MIPOL1: variants seen among roughly 807,000 people sequenced by gnomAD.
MIPOL1 encodes the protein mirror-image polydactyly gene 1 protein.
MIPOL1 carries 57 observed loss-of-function variants against 60.9 expected under a neutral mutation model. That is an observed-to-expected ratio of 0.94 (90% CI 0.76 to 1.17). The LOEUF is 1.17. MIPOL1 is among the 50% of genes most tolerant of loss of function. MIPOL1 has a pLI of 0.00. For synonymous variants in MIPOL1, 179 were observed against 168.8 expected (o/e 1.06, Z -0.47); for missense variants, 551 against 511.6 (o/e 1.08, Z -0.74).
At chr14:37,260,060 C>T in intron 3 of MIPOL1, among the ~76,000 whole-genome samples, 1 of 151,882 alleles carries the variant, frequency 6.6e-6, no homozygotes, top group East Asian at 1.9e-4. Flanking sequence ...GAATAAAGTA[C>T]TCATTTTCAA....
intron 10 of MIPOL1, among the ~76,000 whole-genome samples, chr14:37,415,371 C>T (rs1350245492): frequency 6.6e-6 from 1 of 151,702 alleles, no homozygotes; most frequent in Non-Finnish European, 1.5e-5. Flanking sequence ...GCCTATAATC[C>T]CAGCACTTTG....
chr14:37,351,583 T>A (rs1247060701), intron 9 of MIPOL1, among the ~76,000 whole-genome samples: 2 of 146,400 alleles, frequency 1.4e-5, no homozygotes, highest in Non-Finnish European at 3.0e-5. Flanking sequence ...GTTTCCTGAC[T>A]TTTTAATGAT....
At chr14:37,287,562 G>A (rs899028457) in intron 7 of MIPOL1, among the ~76,000 whole-genome samples, 3 of 152,078 alleles carry the variant, frequency 2.0e-5, no homozygotes, top group Admixed American at 6.6e-5. Flanking sequence ...CCAAATCACT[G>A]AATATTGAAA....
chr14:37,525,225 C>T (rs1342983917), intron 12 of MIPOL1, among the ~76,000 whole-genome samples: 1 of 152,208 alleles, frequency 6.6e-6, no homozygotes, highest in Non-Finnish European at 1.5e-5. Context: ...AAGGCAGCAG[C>T]ATCTGACATC....
At chr14:37,399,972 A>G (rs923319139) in intron 10 of MIPOL1, 14 of 152,196 alleles carry the variant, frequency 9.2e-5, no homozygotes, top group African/African-American at 2.9e-4. Flanking sequence ...AATATTGTAC[A>G]GTGGGCTCTT....
intron 1 of MIPOL1, among the ~76,000 whole-genome samples, chr14:37,214,331 A>G (rs775959381): frequency 6.6e-6 from 1 of 152,218 alleles, no homozygotes; most frequent in African/African-American, 2.4e-5. Flanking sequence ...AATCAGGTAG[A>G]TGAAGTTAAG....
intron 9 of MIPOL1, among the ~76,000 whole-genome samples, chr14:37,341,699 A>G (rs950922982): frequency 7.2e-5 from 11 of 152,060 alleles, no homozygotes; most frequent in Non-Finnish European, 1.3e-4. Context: ...TCCTGCCTCA[A>G]CCTCCCAAAA....
chr14:37,378,129 C>T (rs2092826289), intron 10 of MIPOL1, among the ~76,000 whole-genome samples: 1 of 151,984 alleles, frequency 6.6e-6, no homozygotes, highest in Non-Finnish European at 1.5e-5. Flanking sequence ...GGAACATTGG[C>T]AGTTTATTAT....
chr14:37,272,842 C>G (rs976220727), intron 6 of MIPOL1, among the ~76,000 whole-genome samples: 5 of 151,288 alleles, frequency 3.3e-5, no homozygotes, highest in African/African-American at 4.8e-5. Context: ...AAAGATCAAA[C>G]CATTTCACAA....
intron 9 of MIPOL1, among the ~76,000 whole-genome samples, chr14:37,364,491 C>T (rs1319195058): frequency 6.6e-6 from 1 of 152,160 alleles, no homozygotes; most frequent in African/African-American, 2.4e-5. Context: ...ACTGTCTTTT[C>T]CCCAGTGTAT....
intron 12 of MIPOL1, 109 bp from the exon 13 acceptor site, chr14:37,546,796 G>C: frequency 1.2e-6 from 1 of 817,532 alleles, no homozygotes; most frequent in Non-Finnish European, 2.0e-6. Context: ...TAACATGACC[G>C]TGAGGACTGC....
intron 9 of MIPOL1, among the ~76,000 whole-genome samples, chr14:37,339,389 C>CT (rs1210811821): frequency 6.6e-6 from 1 of 152,170 alleles, no homozygotes; most frequent in East Asian, 1.9e-4. Flanking sequence ...TTGAAAACTG[C>CT]TTTGTACTTT....
intron 10 of MIPOL1, chr14:37,369,825 A>T: frequency 3.2e-6 from 1 of 308,148 alleles, no homozygotes; most frequent in Non-Finnish European, 6.0e-6. Flanking sequence ...AAAACAACAC[A>T]TTTTCTGAAT....
chr14:37,324,458 G>A (rs1397835131), intron 9 of MIPOL1, among the ~76,000 whole-genome samples: 1 of 151,984 alleles, frequency 6.6e-6, no homozygotes, highest in African/African-American at 2.4e-5. Context: ...GGTTCTGATT[G>A]ATTCTGGATG....
In MIPOL1 at chr14:37,547,999, G is replaced by C. The variant is rs1158842490; in HGVS notation, c.*1028G>C. The C allele has an allele frequency of 6.6e-6, 1 of 151,966 alleles. No homozygotes were observed. Among genetic ancestry groups the C allele is most frequent in the Admixed American group, 6.6e-5 (1 of 15,262 alleles). The allele number at this position is 151,966 out of a possible 1,614,324, so 9.4% of individuals were successfully genotyped here. ...CAGCATAGCAGTCATATGAAGTTATGAATAGAACTGAGATTTTTATGTAAT... is the reference window on the plus strand; with the variant it reads ...CAGCATAGCAGTCATATGAAGTTATCAATAGAACTGAGATTTTTATGTAAT... On this transcript the variant is annotated 3_prime_UTR_variant, in exon 13 of 13. Coordinates refer to ENST00000684589, the MANE Select transcript of MIPOL1 (RefSeq NM_001388067.1).
intron 6 of MIPOL1, among the ~76,000 whole-genome samples, chr14:37,275,637 C>G (rs1008585128): frequency 2.0e-5 from 3 of 150,838 alleles, no homozygotes; most frequent in African/African-American, 7.3e-5. Context: ...AAATTCTATT[C>G]TATTGCTTTT....
At chr14:37,373,064 C>G (rs919355246) in intron 10 of MIPOL1, among the ~76,000 whole-genome samples, 1 of 152,124 alleles carries the variant, frequency 6.6e-6, no homozygotes, top group Non-Finnish European at 1.5e-5. Context: ...AGTGCAGTGG[C>G]TCGATCTCAG....
intron 9 of MIPOL1, among the ~76,000 whole-genome samples, chr14:37,347,575 T>C (rs2091032870): frequency 6.6e-6 from 1 of 152,232 alleles, no homozygotes; most frequent in Non-Finnish European, 1.5e-5. Flanking sequence ...ATTTTCCATC[T>C]TTAACAAGCA....
chr14:37,395,711 A>T (rs910448831), intron 10 of MIPOL1, among the ~76,000 whole-genome samples: 6 of 152,154 alleles, frequency 3.9e-5, no homozygotes, highest in Admixed American at 6.5e-5. Context: ...AAACAGTGAC[A>T]GTTTGACTTC....
Sources: allele counts gnomAD v4.1 joint callset (sites outside exome capture counted in the v4.1 genomes callset), GRCh38; gene constraint gnomAD v4.1.1; transcripts MANE v1.5; gene names NCBI Gene and HGNC (gene_info 2026-07-23, HGNC 2026-07-21).